EFCAB5: variants seen among roughly 807,000 people sequenced by gnomAD.
The protein encoded by EFCAB5 is EF-hand calcium binding domain 5, also known as EF-hand calcium-binding domain-containing protein 5.
In EFCAB5, 131 loss-of-function variants were observed where a neutral mutation model predicts 167.9. That is an observed-to-expected ratio of 0.78 (90% confidence interval 0.68 to 0.90). The LOEUF (loss-of-function observed/expected upper bound fraction) is 0.90. EFCAB5 is among the 40% of genes least tolerant of loss of function. The pLI, the probability that EFCAB5 is intolerant of heterozygous loss-of-function variation, is 0.00. For missense variants in EFCAB5, 1,663 were observed against 1,745.2 expected, an observed-to-expected ratio of 0.95 and a Z score of 0.84; for synonymous variants, 574 against 602.8, an observed-to-expected ratio of 0.95 and a Z score of 0.70.
upstream of EFCAB5, among the ~76,000 whole-genome samples, chr17:29,936,648 A>G (rs1197291899): frequency 2.0e-5 from 3 of 152,188 alleles, no homozygotes; most frequent in Non-Finnish European, 4.4e-5. Context: ...GAATTTGGAG[A>G]TGAGACAATA....
Position 30,090,610 on chromosome 17 carries a change from C to T in EFCAB5, c.3873C>T (p.Val1291=). 1 of 1,613,794 alleles carries T rather than the reference C, an allele frequency of 6.2e-7. No homozygotes were observed. Among genetic ancestry groups the T allele is most frequent in the Non-Finnish European group, 8.5e-7 (1 of 1,179,858 alleles). The change falls in exon 20 of 23, where the codon GTC becomes GTT. Residue 1291 remains valine, a synonymous_variant. Coordinates refer to ENST00000394835, the MANE Select transcript of EFCAB5 (RefSeq NM_198529.4). ...YKDLQKMMKV[V]QVACYEILGE... is the part of the protein sequence containing the mutation. ...ATCTACAGAAAATGATGAAAGTGGT[C>T]CAAGTGGCCTGCTATGAAATACTTG...
intron 1 of EFCAB5, among the ~76,000 whole-genome samples, chr17:29,932,250 A>G (rs989112804): frequency 6.7e-6 from 1 of 149,288 alleles, no homozygotes; most frequent in African/African-American, 2.5e-5. Flanking sequence ...TCCCGGGTTC[A>G]AGCAATTCTC....
In EFCAB5 at chr17:30,009,695, C is replaced by T. The variant is rs1011085288; in HGVS notation, c.1044+9719C>T. Among the ~76,000 whole-genome samples the T allele has an allele frequency of 3.9e-5, 6 of 152,084 alleles. No homozygotes were observed. In the East Asian group the frequency reaches 1.2e-3, roughly 29 times the overall value. The stretch of plus-strand genomic sequence containing the variant: ...CTACTGTAAATAATACCACTATGAA[C>T]ATTTGTGCCTAAGTTTTTACATGAA... On this transcript the variant is annotated intron_variant, in intron 7 of 22. Transcript: ENST00000394835.
intron 4 of EFCAB5, among the ~76,000 whole-genome samples, chr17:29,976,545 C>A (rs1244952165): frequency 6.6e-6 from 1 of 152,116 alleles, no homozygotes; most frequent in African/African-American, 2.4e-5. Flanking sequence ...TAATCCCTAT[C>A]GACTTAAAGC....
At chr17:29,944,842 C>CA (rs1158461457) in intron 3 of EFCAB5, among the ~76,000 whole-genome samples, 1 of 152,012 alleles carries the variant, frequency 6.6e-6, no homozygotes, top group Admixed American at 6.6e-5. Context: ...AGGCTGGTCT[C>CA]AAACTCCCAA....
chr17:30,063,012 G>C (rs2070466101), intron 14 of EFCAB5, among the ~76,000 whole-genome samples: 1 of 152,154 alleles, frequency 6.6e-6, no homozygotes, highest in African/African-American at 2.4e-5. Flanking sequence ...GCCAAACTGA[G>C]CTGCTACACA....
At chr17:29,983,782 A>G (rs979418556) in intron 4 of EFCAB5, among the ~76,000 whole-genome samples, 2 of 152,202 alleles carry the variant, frequency 1.3e-5, no homozygotes, top group African/African-American at 4.8e-5. Context: ...TTTGGATTAT[A>G]TTTTGAGTCT....
At chr17:29,933,613 G>A (rs935611193) in intron 1 of EFCAB5, among the ~76,000 whole-genome samples, 1 of 152,146 alleles carries the variant, frequency 6.6e-6, no homozygotes, top group East Asian at 1.9e-4. Context: ...TCCCACCTGC[G>A]ATGCTGGAGG....
chr17:30,070,842 C>T (rs544343075), intron 14 of EFCAB5, among the ~76,000 whole-genome samples: 8 of 146,068 alleles, frequency 5.5e-5, no homozygotes, highest in African/African-American at 1.0e-4. Context: ...CCTAGCTACT[C>T]GGGAGGCTGA....
In EFCAB5 at chr17:29,956,914, C is replaced by A. The variant is rs79772723; in HGVS notation, c.191-11877C>A. Among the ~76,000 whole-genome samples, 1,251 of 152,216 alleles carry A rather than the reference C, an allele frequency of 8.2e-3. 12 individuals carry two copies. The highest frequency in any genetic ancestry group is 0.026 in the African/African-American group (1,075 of 41,544). On this transcript the variant is annotated intron_variant, in intron 3 of 22. Coordinates refer to ENST00000394835, the MANE Select transcript of EFCAB5 (RefSeq NM_198529.4). ...CCTGCAAATAAGGATAATTTGACTT[C>A]TTTCTTTCCATTTTGGATGCATTTT... is the stretch of plus-strand genomic sequence containing the variant.
In EFCAB5 at chr17:30,054,144, T is replaced by C. The variant is rs767701815; in HGVS notation, c.2190T>C (p.Phe730=). The C allele has an allele frequency of 1.3e-6, 2 of 1,541,888 alleles. No individual in the cohort carries two copies. The highest frequency in any genetic ancestry group is 1.7e-6 in the Non-Finnish European group (2 of 1,146,202). Reference sequence around the variant, plus strand: ...CAACCTTAAGCAGAAAAGATCACTTTCCAGGTAGTAATGCAGTTCTTCTAC... The same window carrying C: ...CAACCTTAAGCAGAAAAGATCACTTCCCAGGTAGTAATGCAGTTCTTCTAC... The part of the protein sequence containing the change: ...EVPTLSRKDH[F]PETTKKEVQK... The change falls in exon 10 of 23, where the codon TTT becomes TTC. Residue 730 remains phenylalanine, a synonymous_variant. Coordinates refer to ENST00000394835, the MANE Select transcript of EFCAB5 (RefSeq NM_198529.4).
Position 30,059,493 on chromosome 17 carries a change from T to C in EFCAB5, c.2581-52T>C, listed in dbSNP as rs945321581. On this transcript the variant is annotated intron_variant, in intron 13 of 22. Coordinates refer to ENST00000394835, the MANE Select transcript of EFCAB5 (RefSeq NM_198529.4). ...TTTGGAATAAACACAGAATGCTAGCTAGCACAATGAACATATATCTTCCGT... is the reference window on the plus strand; with the variant it reads ...TTTGGAATAAACACAGAATGCTAGCCAGCACAATGAACATATATCTTCCGT... 1.2e-5 allele frequency: 18 copies of C among 1,500,456 alleles called. No homozygotes were observed. The African/African-American group carries it at 2.1e-4, about 17-fold the overall frequency. 92.9% of individuals were successfully genotyped at this position (1,500,456 alleles called of 1,614,324 possible).
intron 7 of EFCAB5, among the ~76,000 whole-genome samples, chr17:30,004,898 GT>G: frequency 6.8e-6 from 1 of 147,552 alleles, no homozygotes; most frequent in East Asian, 2.0e-4. Flanking sequence ...GCCTCCCAAA[GT>G]TGTGGGATTA....
chr17:29,995,244 C>T (rs894389786), intron 5 of EFCAB5, among the ~76,000 whole-genome samples: 1 of 152,154 alleles, frequency 6.6e-6, no homozygotes, highest in African/African-American at 2.4e-5. Flanking sequence ...TCTGGTGAAG[C>T]TTTCCCAGAT....
intron 6 of EFCAB5, among the ~76,000 whole-genome samples, chr17:29,999,193 C>T (rs949247396): frequency 1.3e-4 from 20 of 152,054 alleles, no homozygotes; most frequent in Middle Eastern, 3.4e-3. Context: ...ATACACATTA[C>T]GAACTTTCCC....
intron 3 of EFCAB5, among the ~76,000 whole-genome samples, chr17:29,947,762 C>T (rs2067432140): frequency 6.6e-6 from 1 of 152,164 alleles, no homozygotes. Flanking sequence ...ACCAACACCA[C>T]ATACATATAC....
rs781632881 is a variant in EFCAB5, at chr17:30,108,000, A to AG, written c.4492dup (p.Glu1498GlyfsTer42). On this transcript the variant is annotated frameshift_variant, in exon 23 of 23. Coordinates refer to ENST00000394835, the MANE Select transcript of EFCAB5 (RefSeq NM_198529.4). LOFTEE classifies it high-confidence loss of function. ...ACAATTATATGTATGCAAAAATGCC[A>AG]GGGGAAGGTTTGCAAGAGAAGTGAT... 6.2e-7 allele frequency: 1 copy of AG among 1,607,604 alleles called. No individual in the cohort carries two copies.
intron 20 of EFCAB5, among the ~76,000 whole-genome samples, 193 bp from the exon 21 acceptor site, chr17:30,091,678 C>G (rs2071199743): frequency 6.6e-6 from 1 of 152,162 alleles, no homozygotes; most frequent in South Asian, 2.1e-4. Flanking sequence ...ATGAGCTTCA[C>G]CGGGAGTAAT....
intron 22 of EFCAB5, among the ~76,000 whole-genome samples, chr17:30,099,863 T>A (rs764017369): frequency 2.0e-5 from 3 of 152,116 alleles, no homozygotes; most frequent in Non-Finnish European, 4.4e-5. Flanking sequence ...GCGCGTTCCC[T>A]CACAGTAGGT....
Sources: gnomAD v4.1 joint callset for allele counts (sites outside exome capture counted in the v4.1 genomes callset) on GRCh38, gnomAD v4.1.1 for gene constraint, MANE v1.5 for transcripts, NCBI Gene and HGNC (gene_info 2026-07-23, HGNC 2026-07-21) for gene names.